The following KDM5A variants were observed in gnomAD, a reference collection of about 807,000 sequenced individuals.
The protein encoded by KDM5A is lysine demethylase 5A, also known as lysine-specific demethylase 5A.
A neutral mutation model predicts 193.5 loss-of-function variants in KDM5A; 42 were observed. The ratio of observed to expected loss-of-function variants is 0.22; its 90% CI spans 0.17 to 0.28. The LOEUF (loss-of-function observed/expected upper bound fraction) is 0.28, where lower values mean the gene tolerates loss of function less well. Ranked by LOEUF, KDM5A falls within the 10% of genes least tolerant of loss-of-function variation. The pLI, the probability that KDM5A is intolerant of heterozygous loss-of-function variation, is 1.00. For synonymous variants in KDM5A, 796 were observed against 718.1 expected (o/e 1.11, Z -1.73); for missense variants, 1,692 against 2,055.1 (o/e 0.82, Z 3.42).
At chr12:312,455 T>C (rs1347034725) in intron 20 of KDM5A, among the ~76,000 whole-genome samples, 3 of 152,132 alleles carry the variant, frequency 2.0e-5, no homozygotes, top group Non-Finnish European at 4.4e-5. Flanking sequence ...GGAAAAAAAT[T>C]TGAAGAATAC....
At position 284,488 on chromosome 12, in the gene KDM5A, A is replaced by G; in HGVS notation, c.*968T>C. Reference sequence around the variant, plus strand: ...CAGCAGACATTGGGGTCAGGGCTGCAAGGCAAAAAGCTGTTATTTGCTGGT... The same window carrying G: ...CAGCAGACATTGGGGTCAGGGCTGCGAGGCAAAAAGCTGTTATTTGCTGGT... On this transcript the variant is annotated 3_prime_UTR_variant, in exon 28 of 28. Transcript: ENST00000399788. 1 of 232,792 alleles carries G rather than the reference A, an allele frequency of 4.3e-6. No homozygotes were observed. The highest frequency in any genetic ancestry group is 8.5e-6 in the Non-Finnish European group (1 of 117,474). 14.4% of individuals were successfully genotyped at this position (232,792 alleles called of 1,614,324 possible).
At chr12:382,314 C>G (rs780615813) in intron 3 of KDM5A, among the ~76,000 whole-genome samples, 10 of 151,720 alleles carry the variant, frequency 6.6e-5, no homozygotes, top group Non-Finnish European at 1.2e-4. Flanking sequence ...ACCTGTAATC[C>G]CAGGTATTTG....
At chr12:370,757 C>A (rs762246069) in intron 3 of KDM5A, among the ~76,000 whole-genome samples, 1 of 152,130 alleles carries the variant, frequency 6.6e-6, no homozygotes, top group Non-Finnish European at 1.5e-5. Flanking sequence ...TAATGCTATC[C>A]CTCCCCACTA....
At position 288,262 on chromosome 12, in the gene KDM5A, G is replaced by A. The variant is rs1165079426; in HGVS notation, c.4867-2600C>T. Among the ~76,000 whole-genome samples, 4 of 152,106 alleles carry A rather than the reference G, an allele frequency of 2.6e-5. 1 individual carries two copies. On this transcript the variant is annotated intron_variant, in intron 27 of 27. Transcript: ENST00000399788. ...ACTATGTAGTATCCTGAAAACTCAA[G>A]AACACAGAATTTGGATAACTGTATA...
At position 292,993 on chromosome 12, in the gene KDM5A, T is replaced by C. The variant is rs781563850; in HGVS notation, c.4632A>G (p.Lys1544=). 6.2e-7 allele frequency: 1 copy of C among 1,608,832 alleles called. No homozygotes were observed. The highest frequency in any genetic ancestry group is 1.1e-5 in the South Asian group (1 of 89,810). Residue 1544 remains lysine (K), a synonymous_variant, in exon 27 of 28, where the codon AAA becomes AAG. Coordinates refer to ENST00000399788, the MANE Select transcript of KDM5A (RefSeq NM_001042603.3). ...RKKKLKLGAD[K]SKELNKLAKK... is the part of the protein sequence containing the mutation. ...TGGCCAGTTTATTCAGCTCCTTTGA[T>C]TTGTCTGCACCTAATTTTAATTTCT...
At chr12:364,951 A>G (rs1156511135) in intron 4 of KDM5A, among the ~76,000 whole-genome samples, 1 of 152,208 alleles carries the variant, frequency 6.6e-6, no homozygotes, top group Non-Finnish European at 1.5e-5. Context: ...GAAACAATCT[A>G]AAACTCCATC....
chr12:333,450 C>T lies in KDM5A; in HGVS notation c.1653+37G>A, dbSNP rs779873047. 1.9e-6 allele frequency: 3 copies of T among 1,611,926 alleles called. No homozygotes were observed. In the East Asian group the frequency reaches 6.7e-5, roughly 36 times the overall value. ...AAAGAAAAAAGAAAAAACAAACAAA[C>T]AAACAAACAACTGAAGGAAGACACC... On this transcript the variant is annotated intron_variant, in intron 12 of 27. Transcript: ENST00000399788.
chr12:300,431 C>T lies in KDM5A; in HGVS notation c.4075-3231G>A, dbSNP rs141684009. Among the ~76,000 whole-genome samples the T allele has an allele frequency of 7.4e-3, 1,134 of 152,292 alleles. 9 individuals are homozygous for T. Among genetic ancestry groups the T allele is most frequent in the African/African-American group, 0.025 (1,047 of 41,552 alleles). Reference sequence around the variant, plus strand: ...AACTTAACAACCTGCTCCTGAATGACTACTGGGTACATAAAGAAATGAAGG... The same window carrying T: ...AACTTAACAACCTGCTCCTGAATGATTACTGGGTACATAAAGAAATGAAGG... On this transcript the variant is annotated intron_variant, in intron 24 of 27. Transcript: ENST00000399788.
chr12:352,145 C>T, intron 9 of KDM5A, 60 bp downstream of exon 9: 1 of 753,674 alleles, frequency 1.3e-6, no homozygotes, highest in Non-Finnish European at 2.3e-6. Flanking sequence ...AAACTGAAGG[C>T]TTTGTACTCA....
Position 285,440 on chromosome 12 carries a change from ACTAAC to A in KDM5A, c.*11_*15del, listed in dbSNP as rs757193966. ...TGGTCCATGTCCCCCCATGTCCCAAACTAACCAAGCATCTGCTAACTGGTCTCTTT... is the reference window on the plus strand; with the variant it reads ...TGGTCCATGTCCCCCCATGTCCCAAACAAGCATCTGCTAACTGGTCTCTTT... On this transcript the variant is annotated 3_prime_UTR_variant, in exon 28 of 28. Transcript: ENST00000399788. 2.5e-6 allele frequency: 4 copies of A among 1,611,718 alleles called. No homozygotes were observed. The Admixed American group carries it at 6.7e-5, about 27-fold the overall frequency.
At chr12:324,307 A>G (rs946476872) in intron 14 of KDM5A, among the ~76,000 whole-genome samples, 1 of 152,158 alleles carries the variant, frequency 6.6e-6, no homozygotes, top group Non-Finnish European at 1.5e-5. Flanking sequence ...CTAAAAAAAA[A>G]GAATGCGATT....
At chr12:368,849 C>G (rs764593545) in intron 3 of KDM5A, among the ~76,000 whole-genome samples, 3 of 152,148 alleles carry the variant, frequency 2.0e-5, no homozygotes, top group Non-Finnish European at 4.4e-5. Context: ...CGTTATGAGG[C>G]TACTGTGAGG....
chr12:312,035 A>G (rs941856986), intron 20 of KDM5A, among the ~76,000 whole-genome samples: 1 of 152,096 alleles, frequency 6.6e-6, no homozygotes, highest in Non-Finnish European at 1.5e-5. Context: ...CTCTGTCTCA[A>G]AAAAAAAGAA....
chr12:357,101 G>A (rs892527567), intron 5 of KDM5A, among the ~76,000 whole-genome samples: 1 of 152,012 alleles, frequency 6.6e-6, no homozygotes, highest in Non-Finnish European at 1.5e-5. Context: ...ACAACACAGG[G>A]GAGACCCCAT....
intron 3 of KDM5A, among the ~76,000 whole-genome samples, chr12:383,125 C>G (rs913189603): frequency 3.9e-5 from 6 of 151,980 alleles, no homozygotes; most frequent in African/African-American, 1.4e-4. Context: ...CCTCAGTCAG[C>G]CATTAACACT....
chr12:301,589 A>G (rs1021277981), intron 24 of KDM5A, among the ~76,000 whole-genome samples: 5 of 152,210 alleles, frequency 3.3e-5, no homozygotes, highest in African/African-American at 7.2e-5. Context: ...ATGGGTAAAA[A>G]CTGGAAGCAT....
intron 9 of KDM5A, among the ~76,000 whole-genome samples, chr12:351,540 T>G (rs1327469410): frequency 6.6e-6 from 1 of 151,968 alleles, no homozygotes; most frequent in Non-Finnish European, 1.5e-5. Flanking sequence ...TGACAGGGAC[T>G]AAAAAAGCCT....
At chr12:340,930 C>T (rs1406411583) in intron 10 of KDM5A, among the ~76,000 whole-genome samples, 1 of 152,124 alleles carries the variant, frequency 6.6e-6, no homozygotes, top group Non-Finnish European at 1.5e-5. Context: ...TGCATGTCTC[C>T]ACATTCTTAC....
chr12:350,422 C>T (rs1177145972), intron 10 of KDM5A, among the ~76,000 whole-genome samples, 199 bp downstream of exon 10: 13 of 120,274 alleles, frequency 1.1e-4, no homozygotes, highest in African/African-American at 4.4e-4. Context: ...AGTGAGATTC[C>T]TTCTCAAAAA....
Sources: allele counts gnomAD v4.1 joint callset (sites outside exome capture counted in the v4.1 genomes callset), GRCh38; gene constraint gnomAD v4.1.1; transcripts MANE v1.5; gene names NCBI Gene and HGNC (gene_info 2026-07-23, HGNC 2026-07-21).